Variants in RNF24 observed in about 807,000 individuals in gnomAD.
RNF24 encodes the protein ring finger protein 24.
Under a neutral mutation model 20.0 loss-of-function variants are expected in RNF24, and 14 were observed. The ratio of observed to expected loss-of-function variants is 0.70; its 90% CI spans 0.46 to 1.10. The LOEUF (loss-of-function observed/expected upper bound fraction) is 1.10. Ranked by LOEUF, RNF24 falls within the 50% of genes least tolerant of loss-of-function variation. RNF24 has a pLI of 0.00. For missense variants in RNF24, 124 were observed against 177.6 expected (o/e 0.70, Z 1.71); for synonymous variants, 45 against 61.1 (o/e 0.74, Z 1.23).
At chr20:4,012,135 G>A (rs372701335) in intron 1 of RNF24, among the ~76,000 whole-genome samples, 2 of 152,030 alleles carry the variant, frequency 1.3e-5, no homozygotes, top group African/African-American at 2.4e-5. Flanking sequence ...ATTATTGGCC[G>A]GGCGCGGTGG....
At chr20:4,008,107 C>T (rs568571414) in intron 1 of RNF24, among the ~76,000 whole-genome samples, 5 of 149,934 alleles carry the variant, frequency 3.3e-5, no homozygotes, top group South Asian at 2.1e-4. Flanking sequence ...ACTCCCAAGA[C>T]GAGTACTGAG....
At chr20:3,982,199 TTTGGGGAGAATGGGTC>T (rs1979470819) in intron 1 of RNF24, among the ~76,000 whole-genome samples, 1 of 151,880 alleles carries the variant, frequency 6.6e-6, no homozygotes, top group Non-Finnish European at 1.5e-5. Flanking sequence ...TATAGCTTAT[TTTGGGGAGAATGGGTC>T]TTGCTATGGT....
At chr20:3,946,155 A>G (rs1460199973) in intron 3 of RNF24, among the ~76,000 whole-genome samples, 1 of 152,200 alleles carries the variant, frequency 6.6e-6, no homozygotes, top group Non-Finnish European at 1.5e-5. Context: ...ACATACAAAT[A>G]TCTTGTAAGC....
chr20:3,958,564 CTT>C (rs2091167729), intron 2 of RNF24, among the ~76,000 whole-genome samples: 1 of 152,234 alleles, frequency 6.6e-6, no homozygotes, highest in Non-Finnish European at 1.5e-5. Flanking sequence ...TTGTTATCCT[CTT>C]TGTTGGCAGC....
intron 1 of RNF24, among the ~76,000 whole-genome samples, chr20:3,988,821 CT>C (rs1980156088): frequency 6.6e-6 from 1 of 151,984 alleles, no homozygotes; most frequent in African/African-American, 2.4e-5. Flanking sequence ...ATGGCTGTAT[CT>C]TTTTTAATCC....
At chr20:3,938,171 C>T (rs1163280717) in intron 4 of RNF24, among the ~76,000 whole-genome samples, 1 of 152,150 alleles carries the variant, frequency 6.6e-6, no homozygotes, top group East Asian at 1.9e-4. Context: ...TGGGTCATTT[C>T]CTTAATGACT....
At chr20:4,002,533 AAAG>A (rs1281602982) in intron 1 of RNF24, among the ~76,000 whole-genome samples, 27 of 152,366 alleles carry the variant, frequency 1.8e-4, no homozygotes, top group Admixed American at 1.6e-3. Context: ...AAAAAATTTA[AAAG>A]AAGAACCTCA....
At chr20:4,002,847 C>T (rs1981526037) in intron 1 of RNF24, among the ~76,000 whole-genome samples, 2 of 152,114 alleles carry the variant, frequency 1.3e-5, no homozygotes, top group African/African-American at 4.8e-5. Flanking sequence ...AACTGTGTCA[C>T]GCTTTTATAT....
intron 1 of RNF24, among the ~76,000 whole-genome samples, chr20:3,973,498 GAC>G (rs1978559663): frequency 7.7e-5 from 1 of 12,976 alleles, no homozygotes; most frequent in Admixed American, 1.0e-3. Flanking sequence ...TAGGAAGAAT[GAC>G]AAAAAAAAAA....
chr20:3,967,613 G>C (rs1006506007), intron 1 of RNF24, among the ~76,000 whole-genome samples: 1 of 152,142 alleles, frequency 6.6e-6, no homozygotes, highest in Non-Finnish European at 1.5e-5. Context: ...AAGCATGCTT[G>C]GTAGCCACAT....
intron 1 of RNF24, chr20:3,974,243 A>G: frequency 7.1e-7 from 1 of 1,417,986 alleles, no homozygotes; most frequent in Non-Finnish European, 9.5e-7. Flanking sequence ...AGCATCTACA[A>G]AAAACAAACC....
chr20:3,982,869 C>T (rs1422755083), intron 1 of RNF24, among the ~76,000 whole-genome samples: 3 of 152,116 alleles, frequency 2.0e-5, no homozygotes, highest in Admixed American at 1.3e-4. Flanking sequence ...ATCCACCCTA[C>T]ATGACAGAGT....
intron 2 of RNF24, among the ~76,000 whole-genome samples, chr20:3,963,113 TTTAA>T (rs2091220920): frequency 6.6e-6 from 1 of 152,346 alleles, no homozygotes; most frequent in East Asian, 1.9e-4. Context: ...GTCTCAAGTA[TTTAA>T]TTAATTTGGA....
In RNF24 at chr20:3,933,564, A is replaced by G. The variant is rs150817774; in HGVS notation, c.*499T>C. 1.3e-3 allele frequency: 238 copies of G among 186,464 alleles called. 1 individual carries two copies. The highest frequency in any genetic ancestry group is 5.3e-3 in the African/African-American group (228 of 42,932). 11.6% of individuals were successfully genotyped at this position (186,464 alleles called of 1,614,324 possible). ...AAGATGGCCTTATCAAAGGCATACA[A>G]CATGAGCCTTGTGGGCACTGCCTCA... is the stretch of plus-strand genomic sequence containing the variant. On this transcript the variant is annotated 3_prime_UTR_variant, in exon 6 of 6. Coordinates refer to ENST00000358395, the MANE Select transcript of RNF24 (RefSeq NM_001134337.3).
intron 1 of RNF24, among the ~76,000 whole-genome samples, chr20:4,007,230 A>G (rs1340883822): frequency 6.6e-6 from 1 of 152,228 alleles, no homozygotes; most frequent in Non-Finnish European, 1.5e-5. Flanking sequence ...AAGACAAGTA[A>G]TAAGAGAATA....
chr20:3,964,899 C>G (rs1178733361), intron 1 of RNF24, among the ~76,000 whole-genome samples: 1 of 152,140 alleles, frequency 6.6e-6, no homozygotes, highest in Admixed American at 6.5e-5. Context: ...GGTATGTACA[C>G]AGCCAGAGCC....
chr20:3,946,854 TGAGCTCAGATTTCAAA>T (rs2091024835), intron 3 of RNF24, among the ~76,000 whole-genome samples: 1 of 152,144 alleles, frequency 6.6e-6, no homozygotes, highest in African/African-American at 2.4e-5. Flanking sequence ...AATGTGCCAG[TGAGCTCAGATTTCAAA>T]CATACATGGA....
chr20:3,958,252 A>T (rs1272746814), intron 2 of RNF24, among the ~76,000 whole-genome samples: 4 of 152,088 alleles, frequency 2.6e-5, no homozygotes, highest in South Asian at 2.1e-4. Context: ...CTTTCTTATA[A>T]ATCTTCCACA....
chr20:3,961,397 G>GA (rs376815191), intron 2 of RNF24, among the ~76,000 whole-genome samples: 20,016 of 122,878 alleles, frequency 0.16, 1,509 homozygotes, highest in Non-Finnish European at 0.2. Flanking sequence ...ACACTATCTT[G>GA]AAAAAAAAAA....
Sources: gnomAD v4.1 joint callset for allele counts (sites outside exome capture counted in the v4.1 genomes callset) on GRCh38, gnomAD v4.1.1 for gene constraint, MANE v1.5 for transcripts, NCBI Gene and HGNC (gene_info 2026-07-23, HGNC 2026-07-21) for gene names.